The following CELF4 variants were observed in gnomAD, a reference collection of about 807,000 sequenced individuals.
CELF4 encodes the protein CUG-BP- and ETR-3-like factor 4.
CELF4 carries 18 observed loss-of-function variants against 59.9 expected under a neutral mutation model. That is an observed-to-expected ratio of 0.30 (90% CI 0.21 to 0.45). CELF4 has a LOEUF of 0.45. Ranked by LOEUF, CELF4 falls within the 20% of genes least tolerant of loss-of-function variation. The pLI is 1.00. For synonymous variants in CELF4, 261 were observed against 267.1 expected (o/e 0.98, Z 0.22); for missense variants, 456 against 689.0 (o/e 0.66, Z 3.79).
At chr18:37,476,398 T>A (rs189598019) in intron 2 of CELF4, among the ~76,000 whole-genome samples, 3 of 152,208 alleles carry the variant, frequency 2.0e-5, no homozygotes, top group Admixed American at 6.5e-5. Context: ...CCTGGTGGGC[T>A]CATGGGAACA....
At chr18:37,465,439 A>C (rs1035148719) in intron 2 of CELF4, among the ~76,000 whole-genome samples, 1 of 152,154 alleles carries the variant, frequency 6.6e-6, no homozygotes, top group Non-Finnish European at 1.5e-5. Context: ...TTATGGTGGA[A>C]GATGGGAATG....
In CELF4 at chr18:37,458,595, G is replaced by A. The variant is rs374046082; in HGVS notation, c.369+26930C>T. Among the ~76,000 whole-genome samples, 44 of 152,298 alleles carry A rather than the reference G, an allele frequency of 2.9e-4. No homozygotes were observed. In the South Asian group the frequency reaches 3.9e-3, roughly 14 times the overall value. ...ATAACTTGTAGAGCTCATCCCTGCC[G>A]GCTGACATTTGTAGAGCCTATTGCT... is the stretch of plus-strand genomic sequence containing the variant. On this transcript the variant is annotated intron_variant, in intron 2 of 12. Coordinates refer to ENST00000420428, the MANE Select transcript of CELF4 (RefSeq NM_020180.4).
At chr18:37,353,701 C>A (rs2098507350) in intron 2 of CELF4, among the ~76,000 whole-genome samples, 1 of 147,276 alleles carries the variant, frequency 6.8e-6, no homozygotes, top group Non-Finnish European at 1.5e-5. Context: ...TTTAACCCTG[C>A]CCAGACTTCA....
chr18:37,555,773 T>C (rs1407733847), intron 1 of CELF4, among the ~76,000 whole-genome samples: 1 of 152,214 alleles, frequency 6.6e-6, no homozygotes, highest in East Asian at 1.9e-4. Flanking sequence ...ACATACAATC[T>C]TAGGTATATA....
chr18:37,490,542 T>C (rs375756616), intron 1 of CELF4, among the ~76,000 whole-genome samples: 152 of 152,196 alleles, frequency 1.0e-3, no homozygotes, highest in African/African-American at 3.4e-3. Flanking sequence ...AAATTATCCT[T>C]GGTGGGGTGG....
intron 3 of CELF4, among the ~76,000 whole-genome samples, chr18:37,286,922 A>G (rs1047539305): frequency 6.6e-6 from 1 of 152,142 alleles, no homozygotes; most frequent in African/African-American, 2.4e-5. Flanking sequence ...CGCGAGACCC[A>G]GGAGGGAGCC....
intron 1 of CELF4, among the ~76,000 whole-genome samples, chr18:37,496,540 T>C (rs184813279): frequency 6.6e-6 from 1 of 152,260 alleles, no homozygotes; most frequent in Non-Finnish European, 1.5e-5. Context: ...AAATTTTTTT[T>C]AAAAAAGAAG....
intron 10 of CELF4, among the ~76,000 whole-genome samples, chr18:37,260,562 GCCGC>G (rs2073663286): frequency 6.6e-6 from 1 of 152,210 alleles, no homozygotes; most frequent in South Asian, 2.1e-4. Context: ...ACCAACATGG[GCCGC>G]TGCATGGCTT....
At chr18:37,532,455 C>G (rs2099970315) in intron 1 of CELF4, among the ~76,000 whole-genome samples, 2 of 152,130 alleles carry the variant, frequency 1.3e-5, no homozygotes. Context: ...TTTGGGGAGG[C>G]TGTACCCCAT....
intron 2 of CELF4, among the ~76,000 whole-genome samples, chr18:37,329,223 A>G (rs975835186): frequency 6.6e-6 from 1 of 152,164 alleles, no homozygotes; most frequent in Non-Finnish European, 1.5e-5. Context: ...CCTACAAGAG[A>G]GGTCCCCCAG....
chr18:37,545,427 T>C (rs956133210), intron 1 of CELF4, among the ~76,000 whole-genome samples: 4 of 152,162 alleles, frequency 2.6e-5, no homozygotes, highest in African/African-American at 9.7e-5. Flanking sequence ...AGTAGCTGAA[T>C]TCAGCCTCCA....
chr18:37,286,742 G>A (rs2094819810), intron 3 of CELF4, among the ~76,000 whole-genome samples: 1 of 152,106 alleles, frequency 6.6e-6, no homozygotes, highest in Non-Finnish European at 1.5e-5. Context: ...CTGATCTGGC[G>A]GCTGCAGCCA....
chr18:37,440,244 C>T (rs184301154), intron 2 of CELF4, among the ~76,000 whole-genome samples: 1 of 152,236 alleles, frequency 6.6e-6, no homozygotes, highest in African/African-American at 2.4e-5. Context: ...TGAGGGGGAA[C>T]GTGCTGGAAC....
intron 5 of CELF4, 126 bp downstream of exon 5, chr18:37,274,679 G>T: frequency 6.8e-7 from 1 of 1,480,988 alleles, no homozygotes; most frequent in Admixed American, 2.4e-5. Flanking sequence ...GTCCTTGTCT[G>T]AGGCCCGGAA....
intron 2 of CELF4, among the ~76,000 whole-genome samples, chr18:37,342,100 C>T (rs183187873): frequency 1.2e-4 from 19 of 152,218 alleles, no homozygotes; most frequent in Non-Finnish European, 2.2e-4. Flanking sequence ...CTTGGTGCCA[C>T]ACACAACCTT....
chr18:37,434,961 A>G (rs1603639035), intron 2 of CELF4, among the ~76,000 whole-genome samples: 1 of 151,854 alleles, frequency 6.6e-6, no homozygotes, highest in African/African-American at 2.4e-5. Flanking sequence ...TCTTTTGACT[A>G]CCCCCTCCAA....
intron 10 of CELF4, among the ~76,000 whole-genome samples, chr18:37,259,909 T>C (rs978532571): frequency 1.3e-5 from 2 of 152,242 alleles, no homozygotes; most frequent in Non-Finnish European, 2.9e-5. Context: ...TGAGGCTCTA[T>C]GATTAGCCAG....
chr18:37,524,115 G>T (rs2099960750), intron 1 of CELF4, among the ~76,000 whole-genome samples: 1 of 152,228 alleles, frequency 6.6e-6, no homozygotes, highest in South Asian at 2.1e-4. Flanking sequence ...CACAGTGCCT[G>T]GCATACAGCG....
In CELF4 at chr18:37,495,030, G is replaced by C. The variant is rs539965571; in HGVS notation, c.287-9423C>G. Among the ~76,000 whole-genome samples the C allele has an allele frequency of 7.5e-4, 115 of 152,352 alleles. 1 individual carries two copies. Among genetic ancestry groups the C allele is most frequent in the Non-Finnish European group, 8.8e-5 (6 of 68,038 alleles). ...GGCTCCTCTGCAGAGGTCTCTAGCTGAGCATCAAGGGTGGATTTCAAATGC... is the reference window on the plus strand; with the variant it reads ...GGCTCCTCTGCAGAGGTCTCTAGCTCAGCATCAAGGGTGGATTTCAAATGC... On this transcript the variant is annotated intron_variant, in intron 1 of 12. Transcript: ENST00000420428.
Sources: allele counts gnomAD v4.1 joint callset (sites outside exome capture counted in the v4.1 genomes callset), GRCh38; gene constraint gnomAD v4.1.1; transcripts MANE v1.5; gene names NCBI Gene and HGNC (gene_info 2026-07-23, HGNC 2026-07-21).